Variants in RBFOX1 observed in about 807,000 individuals in gnomAD.
RBFOX1 encodes the protein RNA binding fox-1 homolog 1.
In RBFOX1, 8 loss-of-function variants were observed where a neutral mutation model predicts 57.7. The ratio of observed to expected loss-of-function variants is 0.14; its 90% CI spans 0.08 to 0.25. The LOEUF (loss-of-function observed/expected upper bound fraction) is 0.25, where lower values mean the gene tolerates loss of function less well. RBFOX1 is among the 10% of genes least tolerant of loss of function. The pLI, the probability that RBFOX1 is intolerant of heterozygous loss-of-function variation, is 1.00. For synonymous variants in RBFOX1, 326 were observed against 222.4 expected, an observed-to-expected ratio of 1.47 and a Z score of -4.15; for missense variants, 611 against 548.5, an observed-to-expected ratio of 1.11 and a Z score of -1.14.
At chr16:7,332,892 G>A in intron 4 of RBFOX1, 1 of 1,568,634 alleles carries the variant, frequency 6.4e-7, no homozygotes. Flanking sequence ...CCTGACAGAA[G>A]GGATTTGGCT....
chr16:6,414,669 T>G (rs1045625483), intron 2 of RBFOX1, among the ~76,000 whole-genome samples: 2 of 152,210 alleles, frequency 1.3e-5, no homozygotes, highest in Non-Finnish European at 2.9e-5. Context: ...GCCCATGGAT[T>G]GTAGACTGTG....
intron 2 of RBFOX1, among the ~76,000 whole-genome samples, chr16:6,325,030 T>G (rs1488011939): frequency 2.0e-5 from 3 of 152,154 alleles, no homozygotes; most frequent in African/African-American, 7.2e-5. Flanking sequence ...TTAATATAAT[T>G]TGATCTACAT....
chr16:5,984,964 A>ATTTTT (rs2060252439), intron 4 of RBFOX1, among the ~76,000 whole-genome samples: 1 of 42,044 alleles, frequency 2.4e-5, no homozygotes, highest in African/African-American at 9.0e-5. Context: ...ATATATATAT[A>ATTTTT]TATATATATA....
At chr16:6,745,963 A>C (rs1404282752) in intron 3 of RBFOX1, among the ~76,000 whole-genome samples, 1 of 152,244 alleles carries the variant, frequency 6.6e-6, no homozygotes, top group Non-Finnish European at 1.5e-5. Flanking sequence ...TATGTAATTC[A>C]ATTATATTTT....
At chr16:6,451,812 C>CCTCCCATGACTCCATCCATGG (rs2094631651) in intron 2 of RBFOX1, among the ~76,000 whole-genome samples, 1 of 151,880 alleles carries the variant, frequency 6.6e-6, no homozygotes, top group Admixed American at 6.5e-5. Context: ...ATGACTCCTT[C>CCTCCCATGACTCCATCCATGG]CTCCCATGAC....
At chr16:6,352,423 G>A (rs1057489292) in intron 2 of RBFOX1, among the ~76,000 whole-genome samples, 1 of 152,134 alleles carries the variant, frequency 6.6e-6, no homozygotes, top group Non-Finnish European at 1.5e-5. Flanking sequence ...TAGTGTTTAT[G>A]TTGAACAATT....
At chr16:5,522,153 C>T (rs1045238465) in intron 2 of RBFOX1, among the ~76,000 whole-genome samples, 22 of 152,208 alleles carry the variant, frequency 1.4e-4, no homozygotes, top group Non-Finnish European at 2.4e-4. Flanking sequence ...AAGCTCAGCT[C>T]CTCTCCATTT....
intron 4 of RBFOX1, among the ~76,000 whole-genome samples, chr16:7,298,271 A>T (rs772931097): frequency 1.4e-5 from 2 of 140,790 alleles, no homozygotes; most frequent in East Asian, 4.1e-4. Flanking sequence ...AAATTTGTGT[A>T]TAGGTTTTTT....
chr16:5,746,860 A>G (rs2053004212), intron 3 of RBFOX1, among the ~76,000 whole-genome samples: 1 of 152,208 alleles, frequency 6.6e-6, no homozygotes, highest in Admixed American at 6.5e-5. Flanking sequence ...GGGGTTTTCT[A>G]AATATACAAT....
chr16:6,727,447 C>A (rs901287533), intron 3 of RBFOX1, among the ~76,000 whole-genome samples: 2 of 151,846 alleles, frequency 1.3e-5, no homozygotes, highest in African/African-American at 4.8e-5. Flanking sequence ...CATATTCCCC[C>A]GCTGCTTCCA....
In RBFOX1 at chr16:6,881,270, A is replaced by G. The variant is rs567489998; in HGVS notation, c.-15-170787A>G. Among the ~76,000 whole-genome samples, 3 of 152,320 alleles carry G rather than the reference A, an allele frequency of 2.0e-5. No individual in the cohort carries two copies. In the East Asian group the frequency reaches 5.8e-4, roughly 29 times the overall value. On this transcript the variant is annotated intron_variant, in intron 3 of 15. Transcript: ENST00000550418. ...CCCAAGATTGGACCTAGGTGGGGAG[A>G]GAGCAAAGGAAGGGGTAAAACCTAT...
intron 10 of RBFOX1, among the ~76,000 whole-genome samples, chr16:7,627,704 C>T (rs1328925445): frequency 6.6e-6 from 1 of 151,982 alleles, no homozygotes; most frequent in Admixed American, 6.6e-5. Context: ...TTTCCCTGCC[C>T]AAAAAAATGC....
intron 2 of RBFOX1, among the ~76,000 whole-genome samples, chr16:6,580,515 T>A (rs1285013907): frequency 1.3e-5 from 2 of 152,174 alleles, no homozygotes; most frequent in African/African-American, 4.8e-5. Context: ...TCCCTTATGG[T>A]CCTCTTCATA....
Position 6,019,159 on chromosome 16 carries a change from C to A in RBFOX1, c.-960C>A. 2.0e-6 allele frequency: 2 copies of A among 985,224 alleles called. No homozygotes were observed. Among genetic ancestry groups the A allele is most frequent in the South Asian group, 4.7e-5 (1 of 21,248 alleles). The allele number at this position is 985,224 out of a possible 1,614,324, so 61.0% of individuals were successfully genotyped here. A position where few individuals can be genotyped will look rare whatever the true frequency, so the allele number is the denominator to read the frequency against. On this transcript the variant is annotated 5_prime_UTR_variant, in exon 1 of 16. Transcript: ENST00000550418. This position sits in a 1 kb window ranked among gnomAD's most constrained non-coding sequence, Gnocchi z 4.2. ...GGCTCTCCTTTGTTTATTTTCTAAT[C>A]TATATTTTTACTGGAAGATTTCCTC...
chr16:7,258,044 G>C lies in RBFOX1; in HGVS notation c.27+205946G>C, dbSNP rs961598421. Among the ~76,000 whole-genome samples the C allele has an allele frequency of 2.6e-4, 39 of 152,182 alleles. 1 individual carries two copies. Among genetic ancestry groups the C allele is most frequent in the Admixed American group, 1.3e-4 (2 of 15,270 alleles). On this transcript the variant is annotated intron_variant, in intron 4 of 15. Coordinates refer to ENST00000550418, the MANE Select transcript of RBFOX1 (RefSeq NM_018723.4). ...GTAATCAGCACAACTGGTAGCTTTA[G>C]GCATTGATCACTGTGCTGAAATATA... is the stretch of plus-strand genomic sequence containing the variant.
At chr16:7,583,313 G>C (rs938469900) in intron 6 of RBFOX1, among the ~76,000 whole-genome samples, 1 of 152,080 alleles carries the variant, frequency 6.6e-6, no homozygotes, top group African/African-American at 2.4e-5. Context: ...TCATTGGAAG[G>C]GATGTTAGTT....
At chr16:6,986,603 G>T (rs900347403) in intron 3 of RBFOX1, among the ~76,000 whole-genome samples, 20 of 152,262 alleles carry the variant, frequency 1.3e-4, no homozygotes, top group African/African-American at 4.3e-4. Flanking sequence ...AGAATCACCA[G>T]TTTTTAATAT....
intron 4 of RBFOX1, among the ~76,000 whole-genome samples, chr16:6,007,345 T>TAACATGAC (rs1444143574): frequency 1.3e-5 from 2 of 152,200 alleles, no homozygotes; most frequent in African/African-American, 2.4e-5. Context: ...CTGGAGATAC[T>TAACATGAC]AACATGACAA....
intron 1 of RBFOX1, among the ~76,000 whole-genome samples, chr16:5,320,298 T>C (rs1461520659): frequency 2.0e-5 from 3 of 152,060 alleles, no homozygotes; most frequent in Non-Finnish European, 4.4e-5. Flanking sequence ...TAAGAATGGG[T>C]GAGGTCATAA....
Sources: gnomAD v4.1 joint callset for allele counts (sites outside exome capture counted in the v4.1 genomes callset) on GRCh38, gnomAD v4.1.1 for gene constraint, Gnocchi (gnomAD v3.1) non-coding constraint, MANE v1.5 for transcripts, NCBI Gene and HGNC (gene_info 2026-07-23, HGNC 2026-07-21) for gene names.